Variants in GATAD2A observed in about 807,000 individuals in gnomAD.
GATAD2A encodes GATA zinc finger domain containing 2A.
A neutral mutation model predicts 68.5 loss-of-function variants in GATAD2A; 12 were observed. That is an observed-to-expected ratio of 0.18 (90% CI 0.11 to 0.28). The LOEUF (loss-of-function observed/expected upper bound fraction) is 0.28. GATAD2A is among the 10% of genes least tolerant of loss of function. GATAD2A has a pLI of 1.00. For synonymous variants in GATAD2A, 410 were observed against 375.3 expected (o/e 1.09, Z -1.07); for missense variants, 755 against 868.5 (o/e 0.87, Z 1.64).
chr19:19,493,050 C>G (rs915772745), intron 4 of GATAD2A, among the ~76,000 whole-genome samples: 4 of 151,778 alleles, frequency 2.6e-5, no homozygotes, highest in African/African-American at 9.7e-5. Context: ...AGGTGATTCT[C>G]CCGCCTCAGC....
At chr19:19,429,610 C>T (rs892527653) in intron 1 of GATAD2A, among the ~76,000 whole-genome samples, 8 of 151,844 alleles carry the variant, frequency 5.3e-5, no homozygotes, top group East Asian at 4.1e-4. Context: ...CTTAGGCTGC[C>T]GGCCTGCCCC....
intron 1 of GATAD2A, among the ~76,000 whole-genome samples, chr19:19,430,203 C>T (rs2053576226): frequency 1.3e-5 from 2 of 152,194 alleles, no homozygotes; most frequent in South Asian, 2.1e-4. Flanking sequence ...TGTGCTGACC[C>T]CAGACTGGAA....
At chr19:19,425,626 G>T (rs1037399644) in intron 1 of GATAD2A, among the ~76,000 whole-genome samples, 2 of 152,106 alleles carry the variant, frequency 1.3e-5, no homozygotes, top group African/African-American at 2.4e-5. Flanking sequence ...TACCTCAGGC[G>T]GGGTCACTGG....
chr19:19,409,798 C>T (rs180672076), intron 1 of GATAD2A, among the ~76,000 whole-genome samples: 19 of 152,326 alleles, frequency 1.2e-4, no homozygotes, highest in Admixed American at 1.2e-3. Flanking sequence ...TCCCCAGCAT[C>T]CCCGCAAACA....
At chr19:19,470,681 A>G (rs1459064247) in intron 2 of GATAD2A, among the ~76,000 whole-genome samples, 1 of 152,158 alleles carries the variant, frequency 6.6e-6, no homozygotes, top group Non-Finnish European at 1.5e-5. Flanking sequence ...CATCCTCCCA[A>G]TTGTAGGTGA....
In GATAD2A at chr19:19,503,899, T is replaced by C. The variant is rs148143804; in HGVS notation, c.1774+1373T>C. Among the ~76,000 whole-genome samples the C allele has an allele frequency of 8.0e-3, 1,222 of 152,300 alleles. 9 individuals carry two copies. The highest frequency in any genetic ancestry group is 0.012 in the Non-Finnish European group (789 of 68,024). ...GGGAACGCTTTTTCCACAAAATGTA[T>C]TAGCCACCACTAAAAATACTCTTAG... is the stretch of plus-strand genomic sequence containing the variant. On this transcript the variant is annotated intron_variant, in intron 11 of 11. Transcript: ENST00000683918.
chr19:19,413,908 G>A (rs760818363), intron 1 of GATAD2A, among the ~76,000 whole-genome samples: 41 of 152,120 alleles, frequency 2.7e-4, no homozygotes, highest in African/African-American at 8.0e-4. Context: ...TTATTAATAC[G>A]TTCGTTTGAT....
intron 2 of GATAD2A, among the ~76,000 whole-genome samples, chr19:19,478,568 T>C (rs538166184): frequency 2.0e-5 from 3 of 151,376 alleles, no homozygotes; most frequent in Non-Finnish European, 4.4e-5. Flanking sequence ...CACTCCAGCC[T>C]CGGCGACAGA....
intron 2 of GATAD2A, among the ~76,000 whole-genome samples, chr19:19,470,098 A>G (rs923597039): frequency 3.3e-5 from 5 of 152,084 alleles, no homozygotes; most frequent in African/African-American, 1.2e-4. Context: ...AAGAGATAAA[A>G]GACACTTTAA....
chr19:19,502,583 C>A, intron 11 of GATAD2A, 57 bp downstream of exon 11: 1 of 1,355,706 alleles, frequency 7.4e-7, no homozygotes. Flanking sequence ...GTTCACCCTT[C>A]CTTAACCGAA....
intron 5 of GATAD2A, among the ~76,000 whole-genome samples, chr19:19,494,968 C>G (rs937889556): frequency 6.6e-6 from 1 of 152,194 alleles, no homozygotes; most frequent in South Asian, 2.1e-4. Flanking sequence ...AATCAGTAGT[C>G]ATCTTTCTTA....
intron 1 of GATAD2A, among the ~76,000 whole-genome samples, chr19:19,386,536 C>A (rs2048435557): frequency 6.6e-6 from 1 of 151,884 alleles, no homozygotes; most frequent in African/African-American, 2.4e-5. Flanking sequence ...CTAGGGGACT[C>A]CCATCTCTCC....
chr19:19,411,498 A>G (rs1312114086), intron 1 of GATAD2A, among the ~76,000 whole-genome samples: 1 of 152,148 alleles, frequency 6.6e-6, no homozygotes, highest in African/African-American at 2.4e-5. Flanking sequence ...AGGTGGTTTG[A>G]TGGTACTTGC....
chr19:19,476,946 G>A (rs980800812), intron 2 of GATAD2A, among the ~76,000 whole-genome samples: 2 of 152,180 alleles, frequency 1.3e-5, no homozygotes, highest in South Asian at 2.1e-4. Context: ...GGGGCAGCTG[G>A]TGGTAGAAAA....
intron 1 of GATAD2A, among the ~76,000 whole-genome samples, chr19:19,454,173 T>A (rs1019796866): frequency 1.4e-5 from 2 of 146,840 alleles, no homozygotes; most frequent in Non-Finnish European, 3.0e-5. Context: ...AACTTTGTAT[T>A]TTTAGTAGAG....
chr19:19,420,201 TA>T lies in GATAD2A; in HGVS notation c.-7+14184del, dbSNP rs1208484429. Among the ~76,000 whole-genome samples, 260 of 146,130 alleles carry T rather than the reference TA, an allele frequency of 1.8e-3. 3 individuals are homozygous for T. The South Asian group carries it at 0.024, about 13-fold the overall frequency. On this transcript the variant is annotated intron_variant, in intron 1 of 11. Transcript: ENST00000683918. ...AGTTTTTTTTTTTTTTTTTTTTTTTTAAGTAGAGACGGGGTTTCACCATGTT... is the reference window on the plus strand; with the variant it reads ...AGTTTTTTTTTTTTTTTTTTTTTTTTAGTAGAGACGGGGTTTCACCATGTT...
chr19:19,501,932 A>C (rs765292000), intron 9 of GATAD2A, 37 bp from the exon 10 acceptor site: 24 of 1,555,090 alleles, frequency 1.5e-5, no homozygotes, highest in Non-Finnish European at 2.0e-5. Flanking sequence ...CGGCCAGCGG[A>C]CCGCACTGAC....
chr19:19,440,334 G>T, intron 1 of GATAD2A: 1 of 198,750 alleles, frequency 5.0e-6, no homozygotes, highest in Non-Finnish European at 9.9e-6. Context: ...GGAGTGGCGC[G>T]ATCTCAGCTC....
chr19:19,453,279 C>T (rs1281370612), intron 1 of GATAD2A, among the ~76,000 whole-genome samples: 4 of 152,188 alleles, frequency 2.6e-5, no homozygotes, highest in Non-Finnish European at 5.9e-5. Context: ...AAGTTTCATC[C>T]ACTGCAGCAA....
Sources: allele counts gnomAD v4.1 joint callset (sites outside exome capture counted in the v4.1 genomes callset), GRCh38; gene constraint gnomAD v4.1.1; transcripts MANE v1.5; gene names NCBI Gene and HGNC (gene_info 2026-07-23, HGNC 2026-07-21).